Variants in CNTN3 observed in about 807,000 individuals in gnomAD.
CNTN3 encodes the protein contactin-3.
CNTN3 carries 60 observed loss-of-function variants against 119.1 expected under a neutral mutation model. The observed-to-expected ratio is 0.50, with a 90% CI of 0.41 to 0.62. The LOEUF is 0.62. Among genes scored for constraint, CNTN3 ranks in the 20% least tolerant of loss-of-function variants. The pLI is 0.00. For missense variants in CNTN3, 1,101 were observed against 1,242.4 expected (o/e 0.89, Z 1.71); for synonymous variants, 450 against 438.7 (o/e 1.03, Z -0.32).
intron 5 of CNTN3, among the ~76,000 whole-genome samples, chr3:74,413,750 T>C (rs542630716): frequency 8.5e-5 from 13 of 152,284 alleles, no homozygotes; most frequent in Non-Finnish European, 1.5e-4. Flanking sequence ...GCATGATTCA[T>C]TCCACTCTTA....
intron 5 of CNTN3, among the ~76,000 whole-genome samples, chr3:74,398,221 T>C (rs755845978): frequency 8.0e-4 from 122 of 152,182 alleles, no homozygotes; most frequent in Non-Finnish European, 3.1e-4. Flanking sequence ...GATAAATCTT[T>C]TGTGAAAGGA....
intron 5 of CNTN3, among the ~76,000 whole-genome samples, chr3:74,399,532 C>G (rs1705139501): frequency 6.6e-6 from 1 of 152,068 alleles, no homozygotes; most frequent in African/African-American, 2.4e-5. Flanking sequence ...TTTTCTTTAT[C>G]CAGTCTATCA....
Position 74,362,715 on chromosome 3 carries a change from T to TA in CNTN3, c.1214-676dup, listed in dbSNP as rs149184056. ...TCATTGGAATGAAAGGGTATGTTAA[T>TA]AAAAAAAAAATCACTCTTCCTTTTG... On this transcript the variant is annotated intron_variant, in intron 10 of 22. Transcript: ENST00000263665. Among the ~76,000 whole-genome samples, 525 of 149,772 alleles carry TA rather than the reference T, an allele frequency of 3.5e-3. 2 individuals carry two copies. Among genetic ancestry groups the TA allele is most frequent in the Middle Eastern group, 0.024 (7 of 290 alleles).
intron 5 of CNTN3, among the ~76,000 whole-genome samples, chr3:74,397,710 C>T (rs181667849): frequency 6.6e-6 from 1 of 152,262 alleles, no homozygotes; most frequent in East Asian, 1.9e-4. Flanking sequence ...GGTGATTCCT[C>T]TGATTGATCT....
At chr3:74,414,376 C>T (rs1701486562) in intron 5 of CNTN3, among the ~76,000 whole-genome samples, 1 of 152,166 alleles carries the variant, frequency 6.6e-6, no homozygotes, top group Admixed American at 6.5e-5. Flanking sequence ...AATTCACCCA[C>T]AAAAATACTT....
At chr3:74,371,776 A>C (rs757547333) in intron 5 of CNTN3, among the ~76,000 whole-genome samples, 22 of 152,024 alleles carry the variant, frequency 1.4e-4, no homozygotes, top group Admixed American at 7.9e-4. Context: ...AAGTTCTTTA[A>C]CCTCTCAGGC....
chr3:74,302,692 C>T lies in CNTN3; in HGVS notation c.1784G>A (p.Arg595Lys). The change falls in exon 14 of 23, where the codon AGA (arginine) becomes AAA (lysine). Residue 595 changes from arginine to lysine, a missense_variant and splice_region_variant. Coordinates refer to ENST00000263665, the MANE Select transcript of CNTN3 (RefSeq NM_020872.3). ...TCAAGGGGGCATAAATGTTTTACCT[C>T]TTACTATGAGGTCAGCAGCAGATGA... is the stretch of plus-strand genomic sequence containing the variant. ...SVSSAADLIV[R>K]GSPGPPENVK... is the part of the protein sequence containing the mutation. 6.3e-7 allele frequency: 1 copy of T among 1,598,538 alleles called. No individual in the cohort carries two copies. The highest frequency in any genetic ancestry group is 8.6e-7 in the Non-Finnish European group (1 of 1,166,680).
intron 5 of CNTN3, among the ~76,000 whole-genome samples, chr3:74,371,971 C>A (rs1704351104): frequency 6.6e-6 from 1 of 152,088 alleles, no homozygotes; most frequent in South Asian, 2.1e-4. Context: ...CAACACCAAC[C>A]ACATTCTTTG....
At chr3:74,265,045 A>T (rs1035455142) in intron 22 of CNTN3, among the ~76,000 whole-genome samples, 1 of 152,196 alleles carries the variant, frequency 6.6e-6, no homozygotes, top group African/African-American at 2.4e-5. Context: ...TTGATTACAA[A>T]CAACTTTGAG....
At chr3:74,336,334 T>C (rs1417742899) in intron 12 of CNTN3, among the ~76,000 whole-genome samples, 197 bp downstream of exon 12, 2 of 152,152 alleles carry the variant, frequency 1.3e-5, no homozygotes, top group African/African-American at 4.8e-5. Context: ...GTAACTAATG[T>C]GCTCCCTGGT....
At chr3:74,597,978 CA>C (rs1040817911) in intron 1 of CNTN3, among the ~76,000 whole-genome samples, 3 of 151,986 alleles carry the variant, frequency 2.0e-5, no homozygotes, top group African/African-American at 4.8e-5. Flanking sequence ...TAGAATAAAA[CA>C]AAGGAAATAT....
At chr3:74,536,810 A>T (rs1490361788) in intron 1 of CNTN3, among the ~76,000 whole-genome samples, 2 of 152,126 alleles carry the variant, frequency 1.3e-5, no homozygotes, top group Non-Finnish European at 2.9e-5. Flanking sequence ...TCACAAACAC[A>T]TATTCCAATT....
rs147753038 is a variant in CNTN3 at position 74,537,975 on chromosome 3, T to C, written c.-80-16783A>G. Among the ~76,000 whole-genome samples, 338 of 152,212 alleles carry C rather than the reference T, an allele frequency of 2.2e-3. 1 individual carries two copies. Among genetic ancestry groups the C allele is most frequent in the Non-Finnish European group, 4.0e-3 (275 of 68,000 alleles). ...GACAGAGACAACCTAGATAGATGGA[T>C]GAATGAATGACCCATGGCCCATCCT... is the stretch of plus-strand genomic sequence containing the variant. On this transcript the variant is annotated intron_variant, in intron 1 of 22. Coordinates refer to ENST00000263665, the MANE Select transcript of CNTN3 (RefSeq NM_020872.3).
At chr3:74,288,074 A>G (rs569587552) in intron 19 of CNTN3, among the ~76,000 whole-genome samples, 2 of 152,092 alleles carry the variant, frequency 1.3e-5, no homozygotes, top group East Asian at 1.9e-4. Context: ...GACCTAATGC[A>G]TAAGTCTTTT....
chr3:74,399,238 C>T (rs1028612239), intron 5 of CNTN3, among the ~76,000 whole-genome samples: 1 of 152,032 alleles, frequency 6.6e-6, no homozygotes, highest in Non-Finnish European at 1.5e-5. Flanking sequence ...TATTTCATCA[C>T]CCAGGTATTA....
chr3:74,305,480 T>C (rs1281021630), intron 13 of CNTN3, among the ~76,000 whole-genome samples: 1 of 152,064 alleles, frequency 6.6e-6, no homozygotes, highest in Non-Finnish European at 1.5e-5. Context: ...TTATTATCCA[T>C]AATAGCTAAA....
chr3:74,466,031 T>A (rs996579064), intron 4 of CNTN3, among the ~76,000 whole-genome samples: 11 of 152,152 alleles, frequency 7.2e-5, no homozygotes, highest in African/African-American at 2.7e-4. Context: ...ATGCCAAAAA[T>A]TCCCTGTAGA....
intron 5 of CNTN3, among the ~76,000 whole-genome samples, chr3:74,395,181 C>T (rs1441243720): frequency 2.6e-5 from 4 of 152,144 alleles, no homozygotes; most frequent in Non-Finnish European, 5.9e-5. Context: ...ACATCATCTT[C>T]CTCTCTGTGT....
chr3:74,485,500 C>A (rs140039505), intron 4 of CNTN3, among the ~76,000 whole-genome samples: 1 of 152,014 alleles, frequency 6.6e-6, no homozygotes, highest in Non-Finnish European at 1.5e-5. Flanking sequence ...GCAAAGCCAA[C>A]CCTTGCCATT....
Sources: gnomAD v4.1 joint callset for allele counts (sites outside exome capture counted in the v4.1 genomes callset) on GRCh38, gnomAD v4.1.1 for gene constraint, MANE v1.5 for transcripts, NCBI Gene and HGNC (gene_info 2026-07-23, HGNC 2026-07-21) for gene names.